The following DHCR7 variants were observed in gnomAD, a reference collection of about 807,000 sequenced individuals.
The protein encoded by DHCR7 is 7-DHC reductase.
A neutral mutation model predicts 43.3 loss-of-function variants in DHCR7; 40 were observed. The observed-to-expected ratio is 0.92, with a 90% confidence interval of 0.72 to 1.20. The LOEUF (loss-of-function observed/expected upper bound fraction) is 1.20. DHCR7 is among the 50% of genes most tolerant of loss of function. The pLI is 0.00. For synonymous variants in DHCR7, 298 were observed against 271.4 expected, an observed-to-expected ratio of 1.10 and a Z score of -0.96; for missense variants, 608 against 644.6, an observed-to-expected ratio of 0.94 and a Z score of 0.62.
intron 4 of DHCR7, among the ~76,000 whole-genome samples, chr11:71,442,962 C>T (rs1949364371): frequency 6.6e-6 from 1 of 152,232 alleles, no homozygotes; most frequent in Non-Finnish European, 1.5e-5. Flanking sequence ...ACTCTGAATT[C>T]CCTGTCCCTG....
upstream of DHCR7, chr11:71,448,838 CCTAGG>C (rs1456782303): frequency 4.6e-5 from 7 of 152,452 alleles, no homozygotes; most frequent in Admixed American, 1.3e-4. Context: ...AGTTCTTGGT[CCTAGG>C]GCTCACGTCC....
chr11:71,435,569 G>A lies in DHCR7; in HGVS notation c.1234C>T (p.Leu412=), dbSNP rs1591107212. The change falls in exon 9 of 9, where the codon CTG becomes TTG. Residue 412 remains leucine, a synonymous_variant. Transcript: ENST00000355527. ...VARHFNYVGD[L]MGSLAYCLAC... is the part of the protein sequence containing the mutation. ...AGGCAGTAGGCCAGGCTGCCCATCAGGTCGCCGACGTAGTTGAAGTGGCGG... is the reference window on the plus strand; with the variant it reads ...AGGCAGTAGGCCAGGCTGCCCATCAAGTCGCCGACGTAGTTGAAGTGGCGG... 4.3e-6 allele frequency: 7 copies of A among 1,610,850 alleles called. No homozygotes were observed. The highest frequency in any genetic ancestry group is 5.9e-6 in the Non-Finnish European group (7 of 1,179,868).
At chr11:71,429,886 C>T (rs1949220029), downstream of DHCR7, among the ~76,000 whole-genome samples, 1 of 152,200 alleles carries the variant, frequency 6.6e-6, no homozygotes, top group Non-Finnish European at 1.5e-5. Flanking sequence ...CTGACCACTT[C>T]CTGGAACAAC....
At chr11:71,443,872 C>G (rs1184219399) in intron 4 of DHCR7, 121 bp downstream of exon 4, 1 of 762,462 alleles carries the variant, frequency 1.3e-6, no homozygotes, top group Non-Finnish European at 2.1e-6. Flanking sequence ...CTGCTGGGTC[C>G]CGGGAACCCA....
intron 3 of DHCR7, 39 bp downstream of exon 3, chr11:71,444,816 A>G: frequency 6.4e-7 from 1 of 1,568,624 alleles, no homozygotes; most frequent in Non-Finnish European, 8.8e-7. Flanking sequence ...CTGAGACCAC[A>G]CTTTACTTTC....
chr11:71,434,942 C>G lies in DHCR7; in HGVS notation c.*433G>C. 2.7e-6 allele frequency: 1 copy of G among 372,272 alleles called. No individual in the cohort carries two copies. The highest frequency in any genetic ancestry group is 5.3e-6 in the Non-Finnish European group (1 of 188,640). 23.1% of individuals were successfully genotyped at this position (372,272 alleles called of 1,614,324 possible). On this transcript the variant is annotated 3_prime_UTR_variant, in exon 9 of 9. Transcript: ENST00000355527. ...GGGGATCTAGAGCTGAAAGGCAATA[C>G]ATGGATAACGCGCACGCCCCACTCC... is the stretch of plus-strand genomic sequence containing the variant.
exon 3 of DHCR7, chr11:71,428,707 T>C (rs1048689559): frequency 1.3e-5 from 5 of 390,682 alleles, no homozygotes; most frequent in Non-Finnish European, 2.5e-5. Context: ...TGCAGCTCCC[T>C]GCAGCTCCCT....
intron 4 of DHCR7, among the ~76,000 whole-genome samples, chr11:71,442,554 C>T (rs1245234903): frequency 1.3e-5 from 2 of 152,270 alleles, no homozygotes; most frequent in African/African-American, 2.4e-5. Flanking sequence ...GGTGCCAAGG[C>T]GTTCTCCCCC....
intron 4 of DHCR7, among the ~76,000 whole-genome samples, chr11:71,443,197 C>T (rs2852851): frequency 6.6e-6 from 1 of 152,216 alleles, no homozygotes; most frequent in Admixed American, 6.5e-5. Flanking sequence ...CATTCATCTA[C>T]TGATGGACAG....
chr11:71,439,738 A>C (rs1949328831), intron 6 of DHCR7, among the ~76,000 whole-genome samples: 1 of 152,128 alleles, frequency 6.6e-6, no homozygotes, highest in African/African-American at 2.4e-5. Context: ...TTAACTAGAA[A>C]ATCCTATTTT....
intron 2 of DHCR7, among the ~76,000 whole-genome samples, chr11:71,446,120 G>T (rs954351979): frequency 6.6e-6 from 1 of 152,138 alleles, no homozygotes; most frequent in Non-Finnish European, 1.5e-5. Context: ...GGTACAAGAT[G>T]AATGGCTAGG....
At position 71,442,377 on chromosome 11, in the gene DHCR7, C is replaced by T. The variant is rs376821995; in HGVS notation, c.322-24G>A. ...ACCTGAAACACACAAGCAGCCTGATCACCCCCCGCCTGGAGGGCACCTGCA... is the reference window on the plus strand; with the variant it reads ...ACCTGAAACACACAAGCAGCCTGATTACCCCCCGCCTGGAGGGCACCTGCA... On this transcript the variant is annotated intron_variant, in intron 4 of 8. Transcript: ENST00000355527. 5.2e-5 allele frequency: 82 copies of T among 1,579,334 alleles called. No homozygotes were observed. In the African/African-American group the frequency reaches 9.7e-4, roughly 19 times the overall value.
chr11:71,433,988 C>A (rs558096269), downstream of DHCR7, among the ~76,000 whole-genome samples: 8 of 152,344 alleles, frequency 5.3e-5, no homozygotes, highest in South Asian at 1.7e-3. Flanking sequence ...GGCTGTGGGA[C>A]CAGTTCTCAT....
At position 71,441,383 on chromosome 11, in the gene DHCR7, A is replaced by G. The variant is rs753960624; in HGVS notation, c.470T>C (p.Leu157Pro). Residue 157 changes from leucine (L) to proline (P), a missense_variant, in exon 6 of 9, where the codon CTC (leucine) becomes CCC (proline). Leu to Pro is a moderately conservative substitution (Grantham distance 98). Transcript: ENST00000355527. ...GLQAWLLTHL[L>P]WFANAHLLSW... ...CAGGAGATGAGCGTTTGCAAACCAG[A>G]GCAGGTGCGTGAGGAGCCAGGCTTG... 2.7e-5 allele frequency: 44 copies of G among 1,614,078 alleles called. No individual in the cohort carries two copies. Among genetic ancestry groups the G allele is most frequent in the Non-Finnish European group, 3.3e-5 (39 of 1,180,048 alleles).
At chr11:71,440,189 GA>G (rs1392431487) in intron 6 of DHCR7, among the ~76,000 whole-genome samples, 1 of 152,208 alleles carries the variant, frequency 6.6e-6, no homozygotes, top group African/African-American at 2.4e-5. Flanking sequence ...AGCAGGCTAG[GA>G]GGGCCTGAGA....
chr11:71,444,320 T>C (rs2120355086), intron 3 of DHCR7, 105 bp from the exon 4 acceptor site: 5 of 942,714 alleles, frequency 5.3e-6, no homozygotes, highest in South Asian at 4.2e-5. Context: ...AACCCACCAG[T>C]ACCCCATGAC....
intron 6 of DHCR7, 84 bp from the exon 7 acceptor site, chr11:71,439,167 C>T: frequency 7.3e-7 from 1 of 1,368,044 alleles, no homozygotes; most frequent in South Asian, 1.2e-5. Context: ...GAGCCCAGCA[C>T]TGGCCCAGGG....
chr11:71,428,540 G>T (rs968376614), exon 3 of DHCR7: 1 of 209,870 alleles, frequency 4.8e-6, no homozygotes, highest in Non-Finnish European at 9.9e-6. Context: ...TTTTGCACAG[G>T]ACACTGCAAT....
chr11:71,430,620 C>A (rs1178761765), downstream of DHCR7, among the ~76,000 whole-genome samples: 2 of 152,186 alleles, frequency 1.3e-5, no homozygotes, highest in Non-Finnish European at 2.9e-5. Context: ...TAGCTGGGTC[C>A]CACTCTTGCC....
Sources: allele counts gnomAD v4.1 joint callset (sites outside exome capture counted in the v4.1 genomes callset), GRCh38; gene constraint gnomAD v4.1.1; transcripts MANE v1.5; gene names NCBI Gene and HGNC (gene_info 2026-07-23, HGNC 2026-07-21).